The following RBFOX1 variants were observed in gnomAD, a reference collection of about 807,000 sequenced individuals.
RBFOX1 encodes the protein RNA binding fox-1 homolog 1, also known as RNA binding protein fox-1 homolog 1.
In RBFOX1, 8 loss-of-function variants were observed where a neutral mutation model predicts 57.7. The ratio of observed to expected loss-of-function variants is 0.14; its 90% CI spans 0.08 to 0.25. The LOEUF (loss-of-function observed/expected upper bound fraction) is 0.25, where lower values mean the gene tolerates loss of function less well. Ranked by LOEUF, RBFOX1 falls within the 10% of genes least tolerant of loss-of-function variation. The pLI is 1.00. For synonymous variants in RBFOX1, 326 were observed against 222.4 expected (o/e 1.47, Z -4.15); for missense variants, 611 against 548.5 (o/e 1.11, Z -1.14).
intron 3 of RBFOX1, among the ~76,000 whole-genome samples, chr16:7,018,363 T>A (rs1285976706): frequency 3.3e-5 from 5 of 152,148 alleles, no homozygotes; most frequent in African/African-American, 1.2e-4. Context: ...CCATTAAGAG[T>A]TAGATACTTC....
chr16:7,013,964 C>G (rs1020854927), intron 3 of RBFOX1, among the ~76,000 whole-genome samples: 6 of 152,078 alleles, frequency 3.9e-5, no homozygotes, highest in Non-Finnish European at 8.8e-5. Flanking sequence ...GGCTAAAATG[C>G]TATATACTCT....
intron 4 of RBFOX1, among the ~76,000 whole-genome samples, chr16:7,403,137 G>GT (rs1287063378): frequency 6.6e-6 from 1 of 152,064 alleles, no homozygotes; most frequent in African/African-American, 2.4e-5. Context: ...TACATTTAAG[G>GT]TATACCATTT....
intron 2 of RBFOX1, among the ~76,000 whole-genome samples, chr16:6,467,972 A>G (rs1426364921): frequency 1.3e-5 from 2 of 152,200 alleles, no homozygotes. Flanking sequence ...TAATGTTTCT[A>G]ATGGTCATCT....
chr16:7,296,259 C>CTT lies in RBFOX1; in HGVS notation c.28-221872_28-221871dup, dbSNP rs33997825. On this transcript the variant is annotated intron_variant, in intron 4 of 15. Coordinates refer to ENST00000550418, the MANE Select transcript of RBFOX1 (RefSeq NM_018723.4). ...TCCTTTATTTTCAGATTATGTCCTC[C>CTT]TTTTTTTTTTTTTTTTTGCATTTTC... 4.7e-4 allele frequency among the ~76,000 whole-genome samples: 56 copies of CTT among 119,762 alleles called. 1 individual carries two copies. The highest frequency in any genetic ancestry group is 1.7e-3 in the East Asian group (7 of 4,002). The allele number at this position is 119,762 out of a possible 152,430, so 78.6% of individuals were successfully genotyped here. A position where few individuals can be genotyped will look rare whatever the true frequency, so the allele number is the denominator to read the frequency against.
intron 2 of RBFOX1, among the ~76,000 whole-genome samples, chr16:6,522,305 G>A (rs2096517457): frequency 1.3e-5 from 2 of 152,138 alleles, no homozygotes; most frequent in South Asian, 2.1e-4. Context: ...AGTGATGGGA[G>A]GGAATGCCAT....
chr16:6,792,600 C>T (rs534379010), intron 3 of RBFOX1, among the ~76,000 whole-genome samples: 34 of 152,164 alleles, frequency 2.2e-4, no homozygotes, highest in Admixed American at 2.2e-3. Flanking sequence ...ACTACGAAGT[C>T]AGGGTTGCAA....
intron 4 of RBFOX1, among the ~76,000 whole-genome samples, chr16:7,508,776 A>G (rs2074175201): frequency 6.6e-6 from 1 of 152,026 alleles, no homozygotes; most frequent in Non-Finnish European, 1.5e-5. Flanking sequence ...GGTCTCTTCC[A>G]CCCTCACCTC....
intron 2 of RBFOX1, among the ~76,000 whole-genome samples, chr16:5,581,250 A>T (rs956758958): frequency 1.3e-5 from 2 of 152,174 alleles, no homozygotes; most frequent in African/African-American, 4.8e-5. Context: ...GTATTTTGTC[A>T]TGTGCCAGGG....
At chr16:6,904,574 C>T in intron 3 of RBFOX1, among the ~76,000 whole-genome samples, 1 of 134,698 alleles carries the variant, frequency 7.4e-6, no homozygotes, top group South Asian at 2.5e-4. Flanking sequence ...GCACTCCAGC[C>T]TGGGTGACAG....
At chr16:6,337,402 G>C (rs1385818416) in intron 2 of RBFOX1, among the ~76,000 whole-genome samples, 3 of 152,162 alleles carry the variant, frequency 2.0e-5, no homozygotes, top group African/African-American at 7.2e-5. Context: ...AGTTGTTCCA[G>C]GATAACCCAA....
intron 4 of RBFOX1, among the ~76,000 whole-genome samples, chr16:7,500,053 T>G (rs1970795): frequency 0.12 from 17,613 of 152,150 alleles, 1,484 homozygotes; most frequent in African/African-American, 0.24. Context: ...CCTGCTGTAC[T>G]CTAAGCTGCA....
chr16:5,611,067 T>C (rs772011365), intron 3 of RBFOX1, among the ~76,000 whole-genome samples: 1 of 152,138 alleles, frequency 6.6e-6, no homozygotes, highest in Non-Finnish European at 1.5e-5. Flanking sequence ...AGCAGACAAC[T>C]AGAGCATCAT....
intron 4 of RBFOX1, among the ~76,000 whole-genome samples, chr16:7,203,144 T>C (rs1459021492): frequency 6.6e-6 from 1 of 152,184 alleles, no homozygotes; most frequent in Non-Finnish European, 1.5e-5. Flanking sequence ...AATACAAGTG[T>C]TTATCAATGA....
At chr16:7,594,506 C>A (rs1282216985) in intron 7 of RBFOX1, among the ~76,000 whole-genome samples, 3 of 152,054 alleles carry the variant, frequency 2.0e-5, no homozygotes, top group African/African-American at 4.8e-5. Flanking sequence ...AATAATGTGT[C>A]GTATTTTCTG....
rs61610431 is a variant in RBFOX1, at chr16:5,540,600, A to C, written c.259-58302A>C. Among the ~76,000 whole-genome samples, 1,381 of 152,308 alleles carry C rather than the reference A, an allele frequency of 9.1e-3. 25 individuals are homozygous for C. The highest frequency in any genetic ancestry group is 0.032 in the African/African-American group (1,323 of 41,544). On this transcript the variant is annotated intron_variant, in intron 2 of 2. Coordinates refer to the RBFOX1 transcript ENST00000585867. ...GTATTTCTCAAATTGTGGCTCATGA[A>C]CTGCCTGTGTCAGAATCACCTGACG...
At chr16:7,229,177 T>A (rs906703001) in intron 4 of RBFOX1, among the ~76,000 whole-genome samples, 6 of 152,194 alleles carry the variant, frequency 3.9e-5, no homozygotes, top group Admixed American at 2.6e-4. Flanking sequence ...GATATTTCTT[T>A]CATGCTTCAG....
chr16:6,821,241 T>A (rs1300093240), intron 3 of RBFOX1, among the ~76,000 whole-genome samples: 1 of 152,188 alleles, frequency 6.6e-6, no homozygotes, highest in African/African-American at 2.4e-5. Context: ...GTTTTAAATA[T>A]GGTGTCTCTT....
chr16:5,925,840 ACCTGGGC>A (rs1458761362), intron 4 of RBFOX1, among the ~76,000 whole-genome samples: 3 of 152,042 alleles, frequency 2.0e-5, no homozygotes, highest in Admixed American at 6.6e-5. Flanking sequence ...CCAAATAACT[ACCTGGGC>A]CCCTCTCAGC....
At chr16:5,524,297 C>G (rs1344397473) in intron 2 of RBFOX1, among the ~76,000 whole-genome samples, 1 of 152,148 alleles carries the variant, frequency 6.6e-6, no homozygotes, top group East Asian at 1.9e-4. Flanking sequence ...AAACCATGCT[C>G]TGAAACTTCT....
Sources: gnomAD v4.1 joint callset for allele counts (sites outside exome capture counted in the v4.1 genomes callset) on GRCh38, gnomAD v4.1.1 for gene constraint, MANE v1.5 for transcripts, NCBI Gene and HGNC (gene_info 2026-07-23, HGNC 2026-07-21) for gene names.